LINGO1: variants seen among roughly 807,000 people sequenced by gnomAD.
LINGO1 encodes leucine rich repeat and Ig domain containing 1.
In LINGO1, 11 loss-of-function variants were observed where a neutral mutation model predicts 37.3. The observed-to-expected ratio is 0.29, with a 90% CI of 0.19 to 0.49. The LOEUF (loss-of-function observed/expected upper bound fraction) is 0.49, where lower values mean the gene tolerates loss of function less well. LINGO1 is among the 20% of genes least tolerant of loss of function. LINGO1 has a pLI of 0.99. For synonymous variants in LINGO1, 387 were observed against 403.0 expected, an observed-to-expected ratio of 0.96 and a Z score of 0.48; for missense variants, 585 against 878.2, an observed-to-expected ratio of 0.67 and a Z score of 4.22.
At chr15:77,667,348 G>T (rs1287202746) in intron 3 of LINGO1, among the ~76,000 whole-genome samples, 1 of 152,220 alleles carries the variant, frequency 6.6e-6, no homozygotes, top group Non-Finnish European at 1.5e-5. Context: ...TGCTCGGGCT[G>T]AGGTTTGTGG....
upstream of LINGO1, chr15:77,820,741 G>A (rs2077089600): frequency 6.6e-6 from 1 of 152,236 alleles, no homozygotes; most frequent in Non-Finnish European, 1.5e-5. Context: ...CATAGAAGGG[G>A]GAGTCCCAAG....
At chr15:77,620,695 G>A (rs1050248691) in intron 1 of LINGO1, among the ~76,000 whole-genome samples, 1 of 152,230 alleles carries the variant, frequency 6.6e-6, no homozygotes, top group African/African-American at 2.4e-5. Context: ...AAGGGGAATG[G>A]GAGGCTCAGA....
intron 1 of LINGO1, among the ~76,000 whole-genome samples, chr15:77,754,170 G>A (rs1249649204): frequency 6.6e-6 from 1 of 151,586 alleles, no homozygotes. Context: ...GGGGCAGAAG[G>A]GAGAGGGAGG....
upstream of LINGO1, among the ~76,000 whole-genome samples, chr15:77,636,521 G>A (rs2074399289): frequency 6.6e-6 from 1 of 150,854 alleles, no homozygotes; most frequent in Non-Finnish European, 1.5e-5. Flanking sequence ...GGGGGAGTGA[G>A]GTGGAGCCAG....
chr15:77,625,476 C>A (rs935124078), intron 1 of LINGO1, among the ~76,000 whole-genome samples: 1 of 152,134 alleles, frequency 6.6e-6, no homozygotes, highest in Non-Finnish European at 1.5e-5. Flanking sequence ...GATTTGAACC[C>A]CAATGGTTTG....
chr15:77,809,904 A>G (rs1275119509), intron 1 of LINGO1, among the ~76,000 whole-genome samples: 1 of 152,106 alleles, frequency 6.6e-6, no homozygotes, highest in Non-Finnish European at 1.5e-5. Flanking sequence ...GAGAACAGAC[A>G]GGCTTGCTGT....
At chr15:77,805,962 G>C (rs573513021) in intron 1 of LINGO1, among the ~76,000 whole-genome samples, 2 of 152,136 alleles carry the variant, frequency 1.3e-5, no homozygotes, top group African/African-American at 2.4e-5. Context: ...ACCCCACCCG[G>C]GGCTGACCTC....
At chr15:77,733,601 G>A (rs76879229) in intron 2 of LINGO1, among the ~76,000 whole-genome samples, 4,412 of 152,258 alleles carry the variant, frequency 0.029, 104 homozygotes, top group Middle Eastern at 0.058. Context: ...ATCCTACCTC[G>A]CGACCGAGGC....
chr15:77,630,958 C>A (rs2074237633), intron 1 of LINGO1, among the ~76,000 whole-genome samples: 1 of 152,224 alleles, frequency 6.6e-6, no homozygotes, highest in Non-Finnish European at 1.5e-5. Context: ...TCCCAGTAGA[C>A]CTGCTGCTAG....
intron 1 of LINGO1, among the ~76,000 whole-genome samples, chr15:77,695,038 C>A (rs114325246): frequency 0.011 from 1,685 of 152,290 alleles, 33 homozygotes; most frequent in African/African-American, 0.039. Context: ...CCCTGACAGA[C>A]CCCAGGATAG....
intron 1 of LINGO1, among the ~76,000 whole-genome samples, chr15:77,807,295 C>G (rs977985584): frequency 1.2e-4 from 19 of 152,336 alleles, no homozygotes; most frequent in African/African-American, 4.1e-4. Flanking sequence ...TCAGTGAGCT[C>G]TCCTGGGCAG....
intron 3 of LINGO1, among the ~76,000 whole-genome samples, chr15:77,651,119 T>C (rs1243728424): frequency 6.6e-6 from 1 of 152,202 alleles, no homozygotes; most frequent in East Asian, 1.9e-4. Flanking sequence ...AGGCCACTTT[T>C]GGTGGAAACT....
At chr15:77,752,594 G>T (rs2076382783) in intron 1 of LINGO1, among the ~76,000 whole-genome samples, 1 of 152,222 alleles carries the variant, frequency 6.6e-6, no homozygotes, top group South Asian at 2.1e-4. Context: ...AAGGCACAAA[G>T]GCCCCATAGA....
chr15:77,754,198 T>G (rs1596192126), intron 1 of LINGO1, among the ~76,000 whole-genome samples: 3 of 123,892 alleles, frequency 2.4e-5, no homozygotes, highest in Non-Finnish European at 3.3e-5. Context: ...AGCAAGAGGA[T>G]GGAAAAGAGG....
intron 1 of LINGO1, among the ~76,000 whole-genome samples, chr15:77,810,479 G>A (rs923374453): frequency 4.6e-5 from 7 of 152,166 alleles, no homozygotes; most frequent in African/African-American, 1.2e-4. Flanking sequence ...CCAGCCTCCC[G>A]GCTCTGTACC....
chr15:77,663,355 T>C (rs1596069821), intron 3 of LINGO1, among the ~76,000 whole-genome samples: 1 of 152,216 alleles, frequency 6.6e-6, no homozygotes, highest in Middle Eastern at 3.4e-3. Flanking sequence ...TCAGTTTTCT[T>C]GGCTAAATAG....
intron 2 of LINGO1, chr15:77,690,578 T>C (rs184345972): frequency 1.3e-5 from 2 of 152,244 alleles, no homozygotes; most frequent in Non-Finnish European, 2.9e-5. Flanking sequence ...GGGTTTGTTT[T>C]AGTTTTTGTA....
chr15:77,734,522 C>T (rs2076184499), intron 2 of LINGO1, among the ~76,000 whole-genome samples: 1 of 151,788 alleles, frequency 6.6e-6, no homozygotes, highest in Non-Finnish European at 1.5e-5. Flanking sequence ...TACAACCAGG[C>T]CCTAAGGTCA....
chr15:77,801,589 A>C (rs537870892), intron 1 of LINGO1, among the ~76,000 whole-genome samples: 90 of 145,438 alleles, frequency 6.2e-4, no homozygotes, highest in African/African-American at 2.2e-3. Flanking sequence ...TAAAGAGTTA[A>C]TGGGTTTTTT....
Sources: allele counts gnomAD v4.1 joint callset (sites outside exome capture counted in the v4.1 genomes callset), GRCh38; gene constraint gnomAD v4.1.1; transcripts MANE v1.5; gene names NCBI Gene and HGNC (gene_info 2026-07-23, HGNC 2026-07-21).